DCLK2: variants seen among roughly 807,000 people sequenced by gnomAD.
DCLK2 encodes the protein serine/threonine-protein kinase DCLK2.
DCLK2 carries 31 observed loss-of-function variants against 78.4 expected under a neutral mutation model. That is an observed-to-expected ratio of 0.40 (90% confidence interval 0.30 to 0.53). DCLK2 has a LOEUF of 0.53. Ranked by LOEUF, DCLK2 falls within the 20% of genes least tolerant of loss-of-function variation. The pLI is 0.61. For missense variants in DCLK2, 872 were observed against 973.7 expected (o/e 0.90, Z 1.39); for synonymous variants, 407 against 374.9 (o/e 1.09, Z -0.99).
chr4:150,227,948 A>G (rs1283775588), intron 8 of DCLK2, among the ~76,000 whole-genome samples: 1 of 152,214 alleles, frequency 6.6e-6, no homozygotes, highest in Non-Finnish European at 1.5e-5. Context: ...TTCACAGTTC[A>G]GGAGGCTGAG....
intron 1 of DCLK2, among the ~76,000 whole-genome samples, chr4:150,098,026 C>A (rs2150147956): frequency 6.6e-6 from 1 of 152,058 alleles, no homozygotes; most frequent in Non-Finnish European, 1.5e-5. Flanking sequence ...TATAAGATAC[C>A]ATGTGGTGTC....
At chr4:150,113,550 A>C (rs1264778355) in intron 2 of DCLK2, among the ~76,000 whole-genome samples, 1 of 152,152 alleles carries the variant, frequency 6.6e-6, no homozygotes, top group Non-Finnish European at 1.5e-5. Context: ...AGATGTTCAT[A>C]GTAGTCTTGA....
chr4:150,233,296 C>T (rs1406485435), intron 10 of DCLK2, among the ~76,000 whole-genome samples: 1 of 152,164 alleles, frequency 6.6e-6, no homozygotes, highest in Non-Finnish European at 1.5e-5. Context: ...AATCTGCTTC[C>T]ATAATCAAGT....
chr4:150,141,298 T>G (rs1560806193), intron 2 of DCLK2, among the ~76,000 whole-genome samples: 1 of 152,172 alleles, frequency 6.6e-6, no homozygotes, highest in Non-Finnish European at 1.5e-5. Flanking sequence ...GGTGAAATAT[T>G]TAGAGTTTGG....
chr4:150,148,109 T>G (rs751537562), intron 2 of DCLK2, among the ~76,000 whole-genome samples: 12 of 152,196 alleles, frequency 7.9e-5, no homozygotes, highest in Non-Finnish European at 1.5e-4. Context: ...GGTTCACGCC[T>G]GTAATCCTAG....
At chr4:150,243,331 C>T (rs1054951667) in intron 12 of DCLK2, among the ~76,000 whole-genome samples, 1 of 150,970 alleles carries the variant, frequency 6.6e-6, no homozygotes, top group Non-Finnish European at 1.5e-5. Context: ...ACAGCGCTTT[C>T]CCTCTTTTAT....
intron 2 of DCLK2, among the ~76,000 whole-genome samples, chr4:150,145,663 G>A (rs975513605): frequency 6.6e-6 from 1 of 152,138 alleles, no homozygotes; most frequent in Non-Finnish European, 1.5e-5. Context: ...ATTTCACTTA[G>A]TTCTCATGAC....
chr4:150,115,626 T>C (rs1732023428), intron 2 of DCLK2, among the ~76,000 whole-genome samples: 1 of 152,176 alleles, frequency 6.6e-6, no homozygotes, highest in African/African-American at 2.4e-5. Flanking sequence ...GTATGAGTTA[T>C]TTGGTTATAG....
intron 12 of DCLK2, among the ~76,000 whole-genome samples, chr4:150,243,138 G>C (rs1024320719): frequency 3.3e-5 from 5 of 152,172 alleles, no homozygotes; most frequent in Admixed American, 3.3e-4. Flanking sequence ...AAAAAAGTGA[G>C]ACTCAAATTG....
At chr4:150,240,051 A>G (rs556105071) in intron 11 of DCLK2, among the ~76,000 whole-genome samples, 176 bp downstream of exon 11, 3 of 152,308 alleles carry the variant, frequency 2.0e-5, no homozygotes, top group African/African-American at 7.2e-5. Flanking sequence ...TTGTGTATAC[A>G]GTGCCTCCTG....
At chr4:150,125,338 G>A (rs1376170425) in intron 2 of DCLK2, among the ~76,000 whole-genome samples, 1 of 151,876 alleles carries the variant, frequency 6.6e-6, no homozygotes, top group Non-Finnish European at 1.5e-5. Flanking sequence ...TCCAGAATAT[G>A]TTATGTAGTA....
At chr4:150,109,758 C>G (rs1731533570) in intron 2 of DCLK2, among the ~76,000 whole-genome samples, 1 of 152,114 alleles carries the variant, frequency 6.6e-6, no homozygotes, top group African/African-American at 2.4e-5. Flanking sequence ...TTATCCCAAC[C>G]AAGAATCAAC....
chr4:150,172,734 A>T (rs1475910290), intron 2 of DCLK2, among the ~76,000 whole-genome samples: 1 of 126,628 alleles, frequency 7.9e-6, no homozygotes, highest in Non-Finnish European at 1.6e-5. Context: ...AGTTCTCCTC[A>T]CTCTAGAGAG....
chr4:150,214,968 A>G (rs1560876833), intron 5 of DCLK2, among the ~76,000 whole-genome samples: 2 of 151,352 alleles, frequency 1.3e-5, no homozygotes, highest in Non-Finnish European at 2.9e-5. Context: ...AAAAAAAAAA[A>G]AAAAGAAAGA....
chr4:150,250,448 G>A (rs1257094532), intron 15 of DCLK2, among the ~76,000 whole-genome samples: 1 of 152,110 alleles, frequency 6.6e-6, no homozygotes, highest in Non-Finnish European at 1.5e-5. Context: ...GGGAAGGCCA[G>A]CTCACCGTGA....
At chr4:150,250,408 G>C (rs1457812184) in intron 15 of DCLK2, among the ~76,000 whole-genome samples, 1 of 152,096 alleles carries the variant, frequency 6.6e-6, no homozygotes, top group Non-Finnish European at 1.5e-5. Context: ...CGCAGCAGCT[G>C]TCCAGGCCTG....
At chr4:150,247,278 C>G (rs1039746098) in intron 12 of DCLK2, among the ~76,000 whole-genome samples, 1 of 152,168 alleles carries the variant, frequency 6.6e-6, no homozygotes, top group African/African-American at 2.4e-5. Flanking sequence ...CCACTAAATG[C>G]ATTCACATTG....
intron 2 of DCLK2, among the ~76,000 whole-genome samples, chr4:150,167,507 C>T (rs1736185558): frequency 6.6e-6 from 1 of 152,102 alleles, no homozygotes; most frequent in East Asian, 1.9e-4. Flanking sequence ...TACCGTTATC[C>T]ACACCTACCG....
At chr4:150,127,264 C>T (rs1391529754) in intron 2 of DCLK2, among the ~76,000 whole-genome samples, 1 of 152,090 alleles carries the variant, frequency 6.6e-6, no homozygotes, top group Non-Finnish European at 1.5e-5. Flanking sequence ...TACTTTCACC[C>T]GTTAATGTTG....
Sources: allele counts gnomAD v4.1 joint callset (sites outside exome capture counted in the v4.1 genomes callset), GRCh38; gene constraint gnomAD v4.1.1; transcripts MANE v1.5; gene names NCBI Gene and HGNC (gene_info 2026-07-23, HGNC 2026-07-21).